KLF8: variants seen among roughly 807,000 people sequenced by gnomAD.
KLF8 encodes the protein Krueppel-like factor 8.
In KLF8, 10 loss-of-function variants were observed where a neutral mutation model predicts 18.2. The observed-to-expected ratio is 0.55, with a 90% CI of 0.34 to 0.93. KLF8 has a LOEUF of 0.93. KLF8 is among the 40% of genes least tolerant of loss of function. KLF8 has a pLI of 0.02. For synonymous variants in KLF8, 109 were observed against 97.3 expected, an observed-to-expected ratio of 1.12 and a Z score of -0.71; for missense variants, 264 against 277.9, an observed-to-expected ratio of 0.95 and a Z score of 0.36.
chrX:56,079,439 T>C, the KLF8 span, among the ~76,000 whole-genome samples: 1 of 111,788 alleles, frequency 8.9e-6, no homozygotes, highest in Non-Finnish European at 1.9e-5. Flanking sequence ...AGTTCCCATG[T>C]AGTTGAGTGG....
At chrX:55,959,412 C>T in the KLF8 span, among the ~76,000 whole-genome samples, 2 of 111,825 alleles carry the variant, frequency 1.8e-5, no homozygotes, top group Non-Finnish European at 3.8e-5. Context: ...TGGTTCTTAA[C>T]CAGACTGAAA....
chrX:56,207,785 G>A, the KLF8 span, among the ~76,000 whole-genome samples: 1 of 110,022 alleles, frequency 9.1e-6, no homozygotes, highest in African/African-American at 3.3e-5. Context: ...CCACATTTTT[G>A]GGTATCTTTA....
At chrX:56,188,204 A>C in the KLF8 span, among the ~76,000 whole-genome samples, 1 of 111,129 alleles carries the variant, frequency 9.0e-6, no homozygotes, top group Admixed American at 9.6e-5. Context: ...ATGTACAAAA[A>C]TCACATTCTT....
chrX:55,910,687 T>C, the KLF8 span, among the ~76,000 whole-genome samples: 1 of 112,026 alleles, frequency 8.9e-6, no homozygotes, highest in Non-Finnish European at 1.9e-5. Flanking sequence ...AAAAAAGAAG[T>C]AACAATCATT....
chrX:56,041,676 GTT>G, the KLF8 span, among the ~76,000 whole-genome samples: 11 of 106,656 alleles, frequency 1.0e-4, no homozygotes, highest in East Asian at 2.4e-3. Flanking sequence ...TTTTGTTGTT[GTT>G]GTTGTTGTTG....
At chrX:56,171,614 C>G in the KLF8 span, among the ~76,000 whole-genome samples, 1 of 111,274 alleles carries the variant, frequency 9.0e-6, no homozygotes, top group Non-Finnish European at 1.9e-5. Flanking sequence ...TGAGTGAGAA[C>G]ATGCGGTGTT....
At chrX:56,162,627 A>G in the KLF8 span, among the ~76,000 whole-genome samples, 136 of 111,874 alleles carry the variant, frequency 1.2e-3, no homozygotes, top group African/African-American at 4.3e-3. Flanking sequence ...AAAGTGCAGT[A>G]TTAGGGTGTG....
the KLF8 span, among the ~76,000 whole-genome samples, chrX:56,150,773 A>G: frequency 9.0e-6 from 1 of 111,664 alleles, no homozygotes; most frequent in Non-Finnish European, 1.9e-5. Flanking sequence ...GCAGTCATCT[A>G]AAGACTTGAC....
the KLF8 span, among the ~76,000 whole-genome samples, chrX:56,225,245 G>T: frequency 9.0e-6 from 1 of 110,915 alleles, no homozygotes; most frequent in Non-Finnish European, 1.9e-5. Context: ...TAAATCTGGG[G>T]TGACCGTCCT....
chrX:56,169,156 A>G, the KLF8 span, among the ~76,000 whole-genome samples: 4 of 111,317 alleles, frequency 3.6e-5, no homozygotes, highest in Non-Finnish European at 5.7e-5. Flanking sequence ...TCTCCTGGTG[A>G]CTAAAGAGCC....
chrX:56,014,817 G>GTTTTTTTTTTTTTTTT, the KLF8 span: 3 of 59,370 alleles, frequency 5.1e-5, no homozygotes, highest in African/African-American at 1.4e-4. Context: ...ACAAGATCAT[G>GTTTTTTTTTTTTTTTT]TTTTTTTTTT....
chrX:56,096,581 A>C, the KLF8 span, among the ~76,000 whole-genome samples: 1 of 111,819 alleles, frequency 8.9e-6, no homozygotes, highest in Non-Finnish European at 1.9e-5. Flanking sequence ...GTATATATTA[A>C]AGATCTAAAA....
chrX:55,919,462 G>A, the KLF8 span, among the ~76,000 whole-genome samples: 1 of 111,816 alleles, frequency 8.9e-6, no homozygotes, highest in African/African-American at 3.3e-5. Context: ...AGGGAGGTTC[G>A]TGGTCTGGGG....
intron 5 of KLF8, among the ~76,000 whole-genome samples, chrX:56,272,848 C>T (rs1341843179): frequency 5.4e-5 from 6 of 110,819 alleles, no homozygotes; most frequent in Non-Finnish European, 1.1e-4. Context: ...TAAAATCTTC[C>T]AAGGACTTCC....
chrX:56,159,533 G>T, the KLF8 span, among the ~76,000 whole-genome samples: 1 of 111,614 alleles, frequency 9.0e-6, no homozygotes, highest in South Asian at 3.7e-4. Flanking sequence ...TTTTTTGGTT[G>T]GTAAGCTATT....
chrX:56,078,406 G>T, the KLF8 span, among the ~76,000 whole-genome samples: 331 of 112,030 alleles, frequency 3.0e-3, no homozygotes, highest in African/African-American at 0.01. Flanking sequence ...TAATCATGTG[G>T]TTTTTGTCTC....
At chrX:56,224,346 A>C in the KLF8 span, among the ~76,000 whole-genome samples, 3 of 111,876 alleles carry the variant, frequency 2.7e-5, no homozygotes, top group Non-Finnish European at 5.6e-5. Flanking sequence ...TTATCTAATT[A>C]TATCAAAACT....
chrX:55,949,531 C>T, the KLF8 span, among the ~76,000 whole-genome samples: 1 of 111,014 alleles, frequency 9.0e-6, no homozygotes, highest in Non-Finnish European at 1.9e-5. Flanking sequence ...TGGTGGCTCA[C>T]GCCTGTAATC....
chrX:55,918,146 G>GC, the KLF8 span, among the ~76,000 whole-genome samples: 73 of 112,130 alleles, frequency 6.5e-4, no homozygotes, highest in African/African-American at 2.2e-3. Context: ...AAAGGAAGTT[G>GC]TTTCTACCTC....
Sources: allele counts gnomAD v4.1 joint callset (sites outside exome capture counted in the v4.1 genomes callset), GRCh38; gene constraint gnomAD v4.1.1; transcripts MANE v1.5; gene names NCBI Gene and HGNC (gene_info 2026-07-23, HGNC 2026-07-21).